The following PGAP2 variants were observed in gnomAD, a reference collection of about 807,000 sequenced individuals.
PGAP2 encodes the protein acyltransferase PGAP2.
PGAP2 carries 21 observed loss-of-function variants against 33.2 expected under a neutral mutation model. That is an observed-to-expected ratio of 0.63 (90% CI 0.45 to 0.91). The LOEUF (loss-of-function observed/expected upper bound fraction) is 0.91. Ranked by LOEUF, PGAP2 falls within the 40% of genes least tolerant of loss-of-function variation. PGAP2 has a pLI of 0.00. For synonymous variants in PGAP2, 161 were observed against 172.9 expected, an observed-to-expected ratio of 0.93 and a Z score of 0.54; for missense variants, 345 against 424.0, an observed-to-expected ratio of 0.81 and a Z score of 1.64.
chr11:3,825,444 G>T lies in PGAP2; in HGVS notation c.934G>T (p.Glu312Ter), dbSNP rs2089857180. Residue 312 changes from glutamate to a stop codon, truncating the protein, a stop_gained, in exon 7 of 7, where the codon GAA becomes TAA. Transcript: ENST00000278243. LOFTEE classifies it high-confidence loss of function. ...GCTGCTCATAACCTCTCAGCCTGAG[G>T]AAAAGCGATTCTGAACCCTTCAGTC... The part of the protein sequence containing the change: ...KELLITSQPE[E>*]KRF 1 of 1,613,016 alleles carries T rather than the reference G, an allele frequency of 6.2e-7. No homozygotes were observed. The highest frequency in any genetic ancestry group is 1.3e-5 in the African/African-American group (1 of 74,962).
At chr11:3,798,143 C>A in intron 1 of PGAP2, 1 of 1,439,982 alleles carries the variant, frequency 6.9e-7, no homozygotes, top group South Asian at 1.4e-5. Context: ...CTTCAGGGCC[C>A]TAAATCCTGA....
chr11:3,805,748 G>A (rs991028566), upstream of PGAP2, among the ~76,000 whole-genome samples: 27 of 151,106 alleles, frequency 1.8e-4, no homozygotes, highest in East Asian at 6.0e-4. Flanking sequence ...GTGCAGTGGC[G>A]CGATCTCGGC....
rs544302602 is a variant in PGAP2 at position 3,825,647 on chromosome 11, G to A, written c.*189G>A. ...TCTCCTCTCCACCCCTCATATGGGC[G>A]TGGGGTCCTCAAACATCACCTTTAC... On this transcript the variant is annotated 3_prime_UTR_variant, in exon 7 of 7. Transcript: ENST00000278243. The A allele has an allele frequency of 3.6e-5, 19 of 528,000 alleles. No individual in the cohort carries two copies. The highest frequency in any genetic ancestry group is 2.0e-4 in the East Asian group (6 of 30,498). The allele number at this position is 528,000 out of a possible 1,614,324, so 32.7% of individuals were successfully genotyped here.
upstream of PGAP2, chr11:3,808,294 G>A: frequency 6.4e-7 from 1 of 1,551,528 alleles, no homozygotes; most frequent in Non-Finnish European, 8.7e-7. Context: ...CTTTCAACAG[G>A]TAGATGGAAC....
intron 1 of PGAP2, among the ~76,000 whole-genome samples, chr11:3,798,927 G>A (rs61896927): frequency 0.14 from 20,562 of 152,258 alleles, 1,559 homozygotes; most frequent in Middle Eastern, 0.23. Flanking sequence ...ACAGGCGTGA[G>A]CCACCGCGCC....
chr11:3,823,226 G>C (rs1328330292), intron 3 of PGAP2, among the ~76,000 whole-genome samples: 1 of 151,636 alleles, frequency 6.6e-6, no homozygotes, highest in Non-Finnish European at 1.5e-5. Context: ...AGTAGGGACA[G>C]AGTTTTGCCA....
At chr11:3,816,796 G>C (rs528172104) in intron 2 of PGAP2, among the ~76,000 whole-genome samples, 2 of 152,164 alleles carry the variant, frequency 1.3e-5, no homozygotes, top group Non-Finnish European at 2.9e-5. Context: ...CTTGGGTAAG[G>C]AACAGGAATG....
At chr11:3,813,546 G>A (rs531371685) in intron 2 of PGAP2, among the ~76,000 whole-genome samples, 1 of 152,304 alleles carries the variant, frequency 6.6e-6, no homozygotes, top group South Asian at 2.1e-4. Context: ...ACCATGCCCA[G>A]CTAATTTTTG....
intron 1 of PGAP2, among the ~76,000 whole-genome samples, chr11:3,800,593 C>G (rs898739564): frequency 6.6e-6 from 1 of 151,848 alleles, no homozygotes. Flanking sequence ...GGGCGGATCA[C>G]GAGGTCAGGA....
At chr11:3,813,958 G>A (rs960796477) in intron 2 of PGAP2, among the ~76,000 whole-genome samples, 1 of 152,174 alleles carries the variant, frequency 6.6e-6, no homozygotes, top group Non-Finnish European at 1.5e-5. Context: ...AGTTGCTGGA[G>A]TACTTGGTCC....
intron 2 of PGAP2, among the ~76,000 whole-genome samples, chr11:3,817,005 A>T (rs892565387): frequency 4.0e-5 from 6 of 151,844 alleles, no homozygotes; most frequent in Non-Finnish European, 8.8e-5. Context: ...TCTACCTCTG[A>T]CCCTTCTCCT....
chr11:3,797,741 A>G, upstream of PGAP2: 5 of 1,354,962 alleles, frequency 3.7e-6, no homozygotes, highest in Non-Finnish European at 5.0e-6. Context: ...GGGGAGGCAC[A>G]GGGTAGGAGC....
At chr11:3,808,914 A>G (rs985955433) in intron 1 of PGAP2, among the ~76,000 whole-genome samples, 1 of 152,076 alleles carries the variant, frequency 6.6e-6, no homozygotes, top group Non-Finnish European at 1.5e-5. Context: ...CAGGAGTCCT[A>G]GGTGGGGAGG....
Position 3,824,831 on chromosome 11 carries a change from T to C in PGAP2, c.709-189T>C, listed in dbSNP as rs2089715002. 2.1e-6 allele frequency: 3 copies of C among 1,437,684 alleles called. No homozygotes were observed. The South Asian group carries it at 4.5e-5, about 21-fold the overall frequency. 89.1% of individuals were successfully genotyped at this position (1,437,684 alleles called of 1,614,324 possible). On this transcript the variant is annotated intron_variant, in intron 5 of 6. Coordinates refer to ENST00000278243, the MANE Select transcript of PGAP2 (RefSeq NM_014489.4). ...AGGAATACCACTGCTCCTCGGCCCA[T>C]CACTCCCCCAGAGGCAGGGACGTGA...
intron 1 of PGAP2, among the ~76,000 whole-genome samples, chr11:3,799,816 C>T (rs1030328286): frequency 5.9e-5 from 9 of 152,054 alleles, no homozygotes; most frequent in African/African-American, 2.2e-4. Context: ...AAAAAATTAA[C>T]CAAGGCCAGG....
At chr11:3,801,614 C>G (rs1175771808) in intron 1 of PGAP2, among the ~76,000 whole-genome samples, 3 of 125,382 alleles carry the variant, frequency 2.4e-5, no homozygotes, top group African/African-American at 8.8e-5. Flanking sequence ...TGCACTCCAG[C>G]CTGGGTGACA....
At chr11:3,808,682 C>T (rs1221658596) in intron 1 of PGAP2, 31 bp downstream of exon 1, 1 of 1,099,498 alleles carries the variant, frequency 9.1e-7, no homozygotes, top group Non-Finnish European at 1.1e-6. Flanking sequence ...GCTGGGCTGC[C>T]GGGCAGCCCC....
At chr11:3,808,093 C>T (rs2084755952), upstream of PGAP2, 6 of 1,446,876 alleles carry the variant, frequency 4.1e-6, no homozygotes, top group Non-Finnish European at 5.5e-6. Context: ...CAAAGGTGCT[C>T]TTCCCATTGC....
At position 3,814,674 on chromosome 11, in the gene PGAP2, G is replaced by C. The variant is rs189423299; in HGVS notation, c.166-2679G>C. 4.4e-3 allele frequency among the ~76,000 whole-genome samples: 661 copies of C among 151,490 alleles called. 3 individuals are homozygous for C. Among genetic ancestry groups the C allele is most frequent in the African/African-American group, 0.015 (625 of 41,294 alleles). On this transcript the variant is annotated intron_variant, in intron 2 of 6. Transcript: ENST00000278243. Reference sequence around the variant, plus strand: ...GTGATCCTCCTGCCTCAGCCTTCCAGAGTGCTAGGATTACAGGCTTGAGCC... The same window carrying C: ...GTGATCCTCCTGCCTCAGCCTTCCACAGTGCTAGGATTACAGGCTTGAGCC...
Sources: gnomAD v4.1 joint callset for allele counts (sites outside exome capture counted in the v4.1 genomes callset) on GRCh38, gnomAD v4.1.1 for gene constraint, MANE v1.5 for transcripts, NCBI Gene and HGNC (gene_info 2026-07-23, HGNC 2026-07-21) for gene names.